Variants in UBE2L6 observed in about 807,000 individuals in gnomAD.
UBE2L6 encodes ubiquitin conjugating enzyme E2 L6, also known as ubiquitin/ISG15-conjugating enzyme E2 L6.
UBE2L6 carries 11 observed loss-of-function variants against 13.6 expected under a neutral mutation model. The observed-to-expected ratio is 0.81, with a 90% confidence interval of 0.51 to 1.34. UBE2L6 has a LOEUF of 1.34. Ranked by LOEUF, UBE2L6 falls within the 40% of genes most tolerant of loss-of-function variation. UBE2L6 has a pLI of 0.00. For synonymous variants in UBE2L6, 74 were observed against 83.2 expected (o/e 0.89, Z 0.60); for missense variants, 197 against 199.5 (o/e 0.99, Z 0.07).
Position 57,552,263 on chromosome 11 carries a change from A to C in UBE2L6, c.*95T>G. The C allele has an allele frequency of 6.6e-7, 1 of 1,515,056 alleles. No homozygotes were observed. The highest frequency in any genetic ancestry group is 9.0e-7 in the Non-Finnish European group (1 of 1,114,248). 93.9% of individuals were successfully genotyped at this position (1,515,056 alleles called of 1,614,324 possible). A position where few individuals can be genotyped will look rare whatever the true frequency, so the allele number is the denominator to read the frequency against. On this transcript the variant is annotated 3_prime_UTR_variant, in exon 4 of 4. Coordinates refer to ENST00000287156, the MANE Select transcript of UBE2L6 (RefSeq NM_004223.5). ...TAACAACCTAAGAAGGGAAAAATGA[A>C]TGGGGAATGGGCCACAGGGGGCTCT... is the stretch of plus-strand genomic sequence containing the variant.
Position 57,566,952 on chromosome 11 carries a change from C to CT in UBE2L6, c.27+632_27+633insA, listed in dbSNP as rs1195756925. The CT allele has an allele frequency of 5.9e-5, 10 of 168,440 alleles. 1 individual carries two copies. The highest frequency in any genetic ancestry group is 2.8e-4 in the Admixed American group (4 of 14,332). 10.4% of individuals were successfully genotyped at this position (168,440 alleles called of 1,614,324 possible). ...ATTTGTGTTCATCTCTGCCCGCCCC[C>CT]CCCCCCCTCCTAGAACAGGGCCAGC... On this transcript the variant is annotated intron_variant, in intron 1 of 3. Transcript: ENST00000287156.
rs1161624459 is a variant in UBE2L6 at position 57,558,384 on chromosome 11, C to CT, written c.123+1952dup. On this transcript the variant is annotated intron_variant, in intron 2 of 3. Coordinates refer to ENST00000287156, the MANE Select transcript of UBE2L6 (RefSeq NM_004223.5). ...GTAAGCCACCGTGCCCGGCCTGCTA[C>CT]TTTTTAAAAAATTTTGAAAACTATT... is the stretch of plus-strand genomic sequence containing the variant. Among the ~76,000 whole-genome samples the CT allele has an allele frequency of 7.1e-4, 108 of 152,230 alleles. 1 individual carries two copies. Among genetic ancestry groups the CT allele is most frequent in the Non-Finnish European group, 8.8e-5 (6 of 68,000 alleles).
At chr11:57,564,734 C>T (rs1274058623) in intron 1 of UBE2L6, among the ~76,000 whole-genome samples, 1 of 151,622 alleles carries the variant, frequency 6.6e-6, no homozygotes, top group African/African-American at 2.4e-5. Context: ...ACCCACGAGG[C>T]GGAGGTTGCA....
chr11:57,561,942 A>ACCAGGGGCGATTTTACCCAG (rs1945050218), intron 1 of UBE2L6, among the ~76,000 whole-genome samples: 1 of 152,226 alleles, frequency 6.6e-6, no homozygotes, highest in South Asian at 2.1e-4. Context: ...GTGGTTCTCA[A>ACCAGGGGCGATTTTACCCAG]CCAGGGGCGA....
chr11:57,565,585 G>A (rs145250482), intron 1 of UBE2L6, among the ~76,000 whole-genome samples: 72 of 151,880 alleles, frequency 4.7e-4, no homozygotes, highest in African/African-American at 1.4e-3. Context: ...GGCTGGTCTC[G>A]AACTCCTAGG....
intron 2 of UBE2L6, among the ~76,000 whole-genome samples, 187 bp from the exon 3 acceptor site, chr11:57,554,810 G>A (rs753816103): frequency 1.3e-5 from 2 of 152,200 alleles, no homozygotes; most frequent in Non-Finnish European, 2.9e-5. Flanking sequence ...AAAGGGCACT[G>A]GCCTGGGAGG....
chr11:57,562,719 C>T (rs534598733), intron 1 of UBE2L6, among the ~76,000 whole-genome samples: 2 of 152,248 alleles, frequency 1.3e-5, no homozygotes, highest in Admixed American at 1.3e-4. Flanking sequence ...TGATGTTATC[C>T]AAAACCACAA....
intron 2 of UBE2L6, among the ~76,000 whole-genome samples, chr11:57,557,395 CTTTT>C (rs35413834): frequency 7.6e-6 from 1 of 131,736 alleles, no homozygotes; most frequent in African/African-American, 2.8e-5. Flanking sequence ...TGCCATGCTT[CTTTT>C]TTTTTTTTTT....
chr11:57,567,784 G>T, upstream of UBE2L6: 1 of 680,410 alleles, frequency 1.5e-6, no homozygotes, highest in Non-Finnish European at 2.2e-6. Context: ...CCAGGAGGCC[G>T]TCGAAGGACG....
chr11:57,555,144 G>A (rs574610328), intron 2 of UBE2L6, among the ~76,000 whole-genome samples: 185 of 152,336 alleles, frequency 1.2e-3, no homozygotes, highest in Non-Finnish European at 2.1e-3. Flanking sequence ...ATATGATCCA[G>A]CAGTTCTACT....
chr11:57,565,357 T>TG (rs1491460316), intron 1 of UBE2L6, among the ~76,000 whole-genome samples: 1 of 32,848 alleles, frequency 3.0e-5, no homozygotes, highest in Non-Finnish European at 6.9e-5. Context: ...GTATTAGTTG[T>TG]TTTTTTTTTT....
intron 2 of UBE2L6, among the ~76,000 whole-genome samples, chr11:57,556,592 C>CAA (rs368936864): frequency 0.074 from 5,374 of 73,038 alleles, 182 homozygotes; most frequent in Non-Finnish European, 0.085. Context: ...AACTCCGTCT[C>CAA]AAAAAAAAAA....
chr11:57,565,123 T>C (rs1193107515), intron 1 of UBE2L6, among the ~76,000 whole-genome samples: 1 of 150,036 alleles, frequency 6.7e-6, no homozygotes, highest in Non-Finnish European at 1.5e-5. Context: ...CTGCCTGTAA[T>C]CCCAGCTACT....
Position 57,554,527 on chromosome 11 carries a change from T to A in UBE2L6, c.220A>T (p.Ile74Phe), listed in dbSNP as rs1565158537. ...TTCTCGTCCACGTTGGGGTGGTAGA[T>A]CTTGGTTGTGAATTTGATCATGGGA... ...KPPMIKFTTK[I>F]YHPNVDENGQ... Residue 74 changes from isoleucine (I) to phenylalanine (F), a missense_variant, in exon 3 of 4, where the codon ATC becomes TTC. Transcript: ENST00000287156. 1 of 1,613,774 alleles carries A rather than the reference T, an allele frequency of 6.2e-7. No homozygotes were observed.
chr11:57,564,467 A>G (rs1337844015), intron 1 of UBE2L6, among the ~76,000 whole-genome samples: 1 of 152,230 alleles, frequency 6.6e-6, no homozygotes, highest in East Asian at 1.9e-4. Context: ...GCTAAAAAGG[A>G]GTTCTTCAAT....
intron 2 of UBE2L6, among the ~76,000 whole-genome samples, chr11:57,559,267 A>C (rs185654912): frequency 3.1e-4 from 47 of 152,264 alleles, no homozygotes; most frequent in African/African-American, 1.1e-3. Context: ...TCTGGACTAT[A>C]GGTCAGTTTA....
chr11:57,560,563 G>A, intron 1 of UBE2L6, 131 bp from the exon 2 acceptor site: 1 of 665,964 alleles, frequency 1.5e-6, no homozygotes, highest in Non-Finnish European at 2.7e-6. Context: ...TAAAGTCAGA[G>A]CCTACATTTA....
At position 57,554,513 on chromosome 11, in the gene UBE2L6, G is replaced by A. The variant is rs750186915; in HGVS notation, c.234C>T (p.Asn78=). Residue 78 remains asparagine, a synonymous_variant, in exon 3 of 4, where the codon AAC becomes AAT. Transcript: ENST00000287156. ...GGCAAATCTGTCCGTTCTCGTCCAC[G>A]TTGGGGTGGTAGATCTTGGTTGTGA... ...IKFTTKIYHP[N]VDENGQICLP... is the part of the protein sequence containing the mutation. 4.3e-6 allele frequency: 7 copies of A among 1,614,056 alleles called. No homozygotes were observed. The highest frequency in any genetic ancestry group is 1.7e-5 in the Admixed American group (1 of 59,998).
rs566571308 is a variant in UBE2L6, at chr11:57,552,332, C to T, written c.*26G>A. 557 of 1,613,204 alleles carry T rather than the reference C, an allele frequency of 3.5e-4. 4 individuals are homozygous for T. The South Asian group carries it at 4.8e-3, about 14-fold the overall frequency. On this transcript the variant is annotated 3_prime_UTR_variant, in exon 4 of 4. Coordinates refer to ENST00000287156, the MANE Select transcript of UBE2L6 (RefSeq NM_004223.5). ...GTGTCCGTCCGCTATGCCGAGGATC[C>T]AGTGCACAGAGGGTCAGAACATGAG...
Sources: allele counts gnomAD v4.1 joint callset (sites outside exome capture counted in the v4.1 genomes callset), GRCh38; gene constraint gnomAD v4.1.1; transcripts MANE v1.5; gene names NCBI Gene and HGNC (gene_info 2026-07-23, HGNC 2026-07-21).